DNMBP: variants seen among roughly 807,000 people sequenced by gnomAD.
The protein encoded by DNMBP is dynamin binding protein.
In DNMBP, 87 loss-of-function variants were observed where a neutral mutation model predicts 150.0. The observed-to-expected ratio is 0.58, with a 90% CI of 0.49 to 0.69. DNMBP has a LOEUF of 0.69. Among genes scored for constraint, DNMBP ranks in the 30% least tolerant of loss-of-function variants. The pLI, the probability that DNMBP is intolerant of heterozygous loss-of-function variation, is 0.00. For synonymous variants in DNMBP, 711 were observed against 750.4 expected, an observed-to-expected ratio of 0.95 and a Z score of 0.86; for missense variants, 1,774 against 1,949.0, an observed-to-expected ratio of 0.91 and a Z score of 1.69.
intron 8 of DNMBP, 99 bp downstream of exon 8, chr10:99,898,644 G>T: frequency 7.6e-7 from 1 of 1,321,180 alleles, no homozygotes; most frequent in South Asian, 1.2e-5. Flanking sequence ...TCTACTTCTA[G>T]GTTTGTCTAT....
At position 99,879,101 on chromosome 10, in the gene DNMBP, A is replaced by AAAAAAAAAAAAAAAAAAAAAAC. The variant is rs1554857510; in HGVS notation, c.4548+709_4548+710insGTTTTTTTTTTTTTTTTTTTTT. ...CTCTGTCTCAAAAAAAAAAAAAAAA[A>AAAAAAAAAAAAAAAAAAAAAAC]CCCAAAACGTTTGAGATACAAAGCC... On this transcript the variant is annotated intron_variant, in intron 16 of 16. Coordinates refer to ENST00000324109, the MANE Select transcript of DNMBP (RefSeq NM_015221.4). Among the ~76,000 whole-genome samples the AAAAAAAAAAAAAAAAAAAAAAC allele has an allele frequency of 4.2e-4, 57 of 135,150 alleles. 1 individual carries two copies. Among genetic ancestry groups the AAAAAAAAAAAAAAAAAAAAAAC allele is most frequent in the African/African-American group, 7.3e-4 (23 of 31,714 alleles). The allele number at this position is 135,150 out of a possible 152,430, so 88.7% of individuals were successfully genotyped here.
At chr10:99,945,831 C>A (rs2040350578) in intron 4 of DNMBP, among the ~76,000 whole-genome samples, 1 of 152,190 alleles carries the variant, frequency 6.6e-6, no homozygotes, top group Non-Finnish European at 1.5e-5. Context: ...TGAATTAGCA[C>A]AAGCAATATC....
intron 3 of DNMBP, among the ~76,000 whole-genome samples, chr10:99,967,714 T>C (rs79880972): frequency 0.044 from 6,709 of 151,716 alleles, 165 homozygotes; most frequent in South Asian, 0.086. Flanking sequence ...TGTGTGTACA[T>C]GATTTAAGAA....
At chr10:99,981,984 C>T (rs917818462) in intron 1 of DNMBP, among the ~76,000 whole-genome samples, 5 of 152,180 alleles carry the variant, frequency 3.3e-5, no homozygotes, top group African/African-American at 7.2e-5. Context: ...TCCAGCTAGC[C>T]GTGACATATG....
At chr10:99,891,149 A>ACTCCCT (rs1447383319) in intron 11 of DNMBP, among the ~76,000 whole-genome samples, 4 of 149,444 alleles carry the variant, frequency 2.7e-5, no homozygotes, top group South Asian at 4.3e-4. Context: ...AAGTACTAGA[A>ACTCCCT]CTCCCTCTCC....
At chr10:99,881,323 A>G (rs2039364263) in intron 15 of DNMBP, among the ~76,000 whole-genome samples, 1 of 152,088 alleles carries the variant, frequency 6.6e-6, no homozygotes, top group Non-Finnish European at 1.5e-5. Context: ...GAGTCTGGAT[A>G]TACTGGAAGG....
chr10:99,912,428 T>C (rs770951041), intron 4 of DNMBP, among the ~76,000 whole-genome samples: 5 of 152,196 alleles, frequency 3.3e-5, no homozygotes, highest in Admixed American at 6.5e-5. Flanking sequence ...TTTTATTTCT[T>C]TAAAATGGAG....
chr10:99,933,524 T>C (rs1589426206), intron 4 of DNMBP, among the ~76,000 whole-genome samples: 1 of 152,070 alleles, frequency 6.6e-6, no homozygotes, highest in African/African-American at 2.4e-5. Context: ...CAGGGGGATC[T>C]GGCAAAAAAG....
intron 6 of DNMBP, among the ~76,000 whole-genome samples, chr10:99,904,044 G>A (rs2039785903): frequency 6.6e-6 from 1 of 151,866 alleles, no homozygotes; most frequent in African/African-American, 2.4e-5. Flanking sequence ...TTACTGGTGT[G>A]AGCCAACACG....
At chr10:99,880,693 T>C (rs900042961) in intron 15 of DNMBP, among the ~76,000 whole-genome samples, 2 of 152,152 alleles carry the variant, frequency 1.3e-5, no homozygotes, top group African/African-American at 2.4e-5. Context: ...AAACAATCCA[T>C]GTCTGGGAAC....
At chr10:99,917,679 A>T (rs2039978450) in intron 4 of DNMBP, among the ~76,000 whole-genome samples, 1 of 152,138 alleles carries the variant, frequency 6.6e-6, no homozygotes, top group African/African-American at 2.4e-5. Context: ...GATGAAGAAA[A>T]TAGGGGCTGG....
At position 99,877,085 on chromosome 10, in the gene DNMBP, G is replaced by GCCAGAACCCTC; in HGVS notation, c.*65_*66insGAGGGTTCTGG. The GCCAGAACCCTC allele has an allele frequency of 7.0e-7, 1 of 1,431,184 alleles. No homozygotes were observed. 88.7% of individuals were successfully genotyped at this position (1,431,184 alleles called of 1,614,324 possible). A position where few individuals can be genotyped will look rare whatever the true frequency, so the allele number is the denominator to read the frequency against. ...TCTCAGGAGCAGGCGCCCTCTCGGT[G>GCCAGAACCCTC]GGCCGCCAGAACCCTCGGCGGACTG... is the stretch of plus-strand genomic sequence containing the variant. On this transcript the variant is annotated 3_prime_UTR_variant, in exon 17 of 17. Coordinates refer to ENST00000324109, the MANE Select transcript of DNMBP (RefSeq NM_015221.4).
chr10:99,898,439 T>C (rs2039691345), intron 8 of DNMBP, 154 bp from the exon 9 acceptor site: 1 of 724,062 alleles, frequency 1.4e-6, no homozygotes, highest in African/African-American at 1.8e-5. Context: ...TTGCTCTCTA[T>C]TCTTTTACCC....
At chr10:99,879,595 A>G (rs1315472182) in intron 16 of DNMBP, among the ~76,000 whole-genome samples, 5 of 152,238 alleles carry the variant, frequency 3.3e-5, no homozygotes, top group Admixed American at 3.3e-4. Context: ...CCAGTGACAC[A>G]GAGGGGTCCA....
chr10:99,959,260 A>T (rs925426877), intron 3 of DNMBP, among the ~76,000 whole-genome samples: 1 of 152,206 alleles, frequency 6.6e-6, no homozygotes, highest in Non-Finnish European at 1.5e-5. Context: ...AAAAATTCCC[A>T]GTTGTAATAG....
intron 12 of DNMBP, among the ~76,000 whole-genome samples, 162 bp from the exon 13 acceptor site, chr10:99,886,794 C>T (rs1461266888): frequency 6.6e-6 from 1 of 152,096 alleles, no homozygotes; most frequent in East Asian, 1.9e-4. Flanking sequence ...TCTACTAACC[C>T]ATCACTAGCC....
At chr10:99,980,917 T>C (rs1027204845) in intron 1 of DNMBP, among the ~76,000 whole-genome samples, 1 of 152,140 alleles carries the variant, frequency 6.6e-6, no homozygotes, top group African/African-American at 2.4e-5. Flanking sequence ...TGAATGGTGG[T>C]TGCCAGGGGG....
chr10:99,978,107 C>A (rs1361226449), intron 1 of DNMBP, among the ~76,000 whole-genome samples: 2 of 152,194 alleles, frequency 1.3e-5, no homozygotes, highest in African/African-American at 4.8e-5. Flanking sequence ...AGCAAGTCTC[C>A]AAAGCCAGGG....
intron 6 of DNMBP, among the ~76,000 whole-genome samples, chr10:99,901,280 A>G (rs1348419911): frequency 6.6e-6 from 1 of 152,140 alleles, no homozygotes; most frequent in African/African-American, 2.4e-5. Context: ...ACTGAGTCTA[A>G]CAATCCCCAT....
Sources: allele counts gnomAD v4.1 joint callset (sites outside exome capture counted in the v4.1 genomes callset), GRCh38; gene constraint gnomAD v4.1.1; transcripts MANE v1.5; gene names NCBI Gene and HGNC (gene_info 2026-07-23, HGNC 2026-07-21).